The following EIF2B3 variants were observed in gnomAD, a reference collection of about 807,000 sequenced individuals.
EIF2B3 encodes the protein translation initiation factor eIF2B subunit gamma.
In EIF2B3, 20 loss-of-function variants were observed where a neutral mutation model predicts 54.1. The ratio of observed to expected loss-of-function variants is 0.37; its 90% CI spans 0.26 to 0.54. The LOEUF (loss-of-function observed/expected upper bound fraction) is 0.54. EIF2B3 is among the 20% of genes least tolerant of loss of function. EIF2B3 has a pLI of 0.86. For missense variants in EIF2B3, 448 were observed against 547.8 expected, an observed-to-expected ratio of 0.82 and a Z score of 1.82; for synonymous variants, 153 against 188.1, an observed-to-expected ratio of 0.81 and a Z score of 1.52.
At chr1:44,866,834 C>T (rs1052385186) in intron 10 of EIF2B3, among the ~76,000 whole-genome samples, 2 of 152,184 alleles carry the variant, frequency 1.3e-5, no homozygotes, top group African/African-American at 2.4e-5. Flanking sequence ...GGATTACAGG[C>T]GTAAGCCACC....
At chr1:44,909,327 T>C (rs550830203) in intron 5 of EIF2B3, among the ~76,000 whole-genome samples, 3 of 152,236 alleles carry the variant, frequency 2.0e-5, no homozygotes, top group South Asian at 4.2e-4. Context: ...AGATTTTTTT[T>C]TTTTTTAAAG....
chr1:44,892,904 C>T (rs1052870806), intron 6 of EIF2B3, among the ~76,000 whole-genome samples: 1 of 152,178 alleles, frequency 6.6e-6, no homozygotes, highest in Non-Finnish European at 1.5e-5. Context: ...CAAGTACAGC[C>T]AAATCAATGG....
At chr1:44,961,414 A>G (rs1644283927) in intron 3 of EIF2B3, among the ~76,000 whole-genome samples, 1 of 151,590 alleles carries the variant, frequency 6.6e-6, no homozygotes, top group Non-Finnish European at 1.5e-5. Flanking sequence ...TTGGCTCATC[A>G]CACCTGTAAT....
At chr1:44,876,846 T>C (rs1302753216) in intron 8 of EIF2B3, among the ~76,000 whole-genome samples, 4 of 143,138 alleles carry the variant, frequency 2.8e-5, no homozygotes, top group Admixed American at 7.0e-5. Context: ...TTTTGTTCTG[T>C]ACTAAGAAAA....
At chr1:44,870,609 G>A (rs1654934850) in intron 10 of EIF2B3, among the ~76,000 whole-genome samples, 1 of 150,782 alleles carries the variant, frequency 6.6e-6, no homozygotes, top group Non-Finnish European at 1.5e-5. Flanking sequence ...CTCTCCTTGG[G>A]TGATTTCATC....
intron 5 of EIF2B3, among the ~76,000 whole-genome samples, chr1:44,920,097 C>T (rs1160704004): frequency 1.3e-5 from 2 of 150,284 alleles, no homozygotes; most frequent in Non-Finnish European, 3.0e-5. Context: ...TGCAATGATG[C>T]GATCTAGGCT....
chr1:44,899,831 G>A (rs1199199941), intron 5 of EIF2B3, among the ~76,000 whole-genome samples: 1 of 152,142 alleles, frequency 6.6e-6, no homozygotes, highest in Non-Finnish European at 1.5e-5. Context: ...CCATTACTGG[G>A]TATATATCCA....
intron 2 of EIF2B3, 59 bp downstream of exon 2, chr1:44,980,962 A>G (rs1040061921): frequency 3.9e-5 from 62 of 1,604,024 alleles, no homozygotes; most frequent in Non-Finnish European, 4.8e-5. Flanking sequence ...CTGACAAATC[A>G]TGGGGATCAA....
intron 3 of EIF2B3, among the ~76,000 whole-genome samples, chr1:44,970,311 A>G (rs1228201471): frequency 1.3e-5 from 2 of 152,242 alleles, no homozygotes; most frequent in South Asian, 2.1e-4. Context: ...GTTTTAACAA[A>G]AAAAAGCCAA....
At chr1:44,977,075 C>A (rs555859881) in intron 3 of EIF2B3, among the ~76,000 whole-genome samples, 2 of 152,116 alleles carry the variant, frequency 1.3e-5, no homozygotes, top group Non-Finnish European at 2.9e-5. Context: ...GTACAAAAGT[C>A]GGTTGAAAAT....
At chr1:44,864,259 G>A (rs1654700513) in intron 10 of EIF2B3, among the ~76,000 whole-genome samples, 1 of 152,126 alleles carries the variant, frequency 6.6e-6, no homozygotes. Flanking sequence ...TCATAATTTG[G>A]TGTTTTTAAG....
intron 5 of EIF2B3, among the ~76,000 whole-genome samples, chr1:44,914,371 G>A (rs994629746): frequency 6.6e-6 from 1 of 152,098 alleles, no homozygotes; most frequent in East Asian, 1.9e-4. Flanking sequence ...GTGTTAGCCA[G>A]GCTGGTCTCA....
At chr1:44,889,075 A>G (rs1655703447) in intron 6 of EIF2B3, among the ~76,000 whole-genome samples, 2 of 152,136 alleles carry the variant, frequency 1.3e-5, no homozygotes, top group African/African-American at 4.8e-5. Flanking sequence ...TTCTGGTTTG[A>G]TATCTGTGTG....
intron 3 of EIF2B3, among the ~76,000 whole-genome samples, chr1:44,945,040 A>G (rs957851006): frequency 4.6e-5 from 7 of 152,166 alleles, no homozygotes; most frequent in Admixed American, 4.6e-4. Flanking sequence ...AGTGAGACTC[A>G]ACCATCAGAA....
rs917729994 is a variant in EIF2B3 at position 44,874,946 on chromosome 1, A to G, written c.1054-120T>C. 7.1e-6 allele frequency: 9 copies of G among 1,266,690 alleles called. No homozygotes were observed. In the African/African-American group the frequency reaches 1.3e-4, roughly 19 times the overall value. The allele number at this position is 1,266,690 out of a possible 1,614,324, so 78.5% of individuals were successfully genotyped here. The stretch of plus-strand genomic sequence containing the variant: ...CCATAGAGACACTTCAGCAAGAGGG[A>G]CCATGATCAGTATTTCTCAGGGCCA... On this transcript the variant is annotated intron_variant, in intron 9 of 11. Transcript: ENST00000360403.
At chr1:44,917,704 G>T (rs67058449) in intron 5 of EIF2B3, among the ~76,000 whole-genome samples, 36,630 of 124,918 alleles carry the variant, frequency 0.29, 5,534 homozygotes, top group African/African-American at 0.48. Context: ...ATGCCCATTT[G>T]TAACTCTTTT....
rs1453633512 is a variant in EIF2B3, at chr1:44,952,254, C to T, written c.295-10589G>A. ...CTGGGATTACAGGCGTGAGCCACCG[C>T]GCCCGGCCCTAATTTTTGCATTTTT... On this transcript the variant is annotated intron_variant, in intron 3 of 11. Coordinates refer to ENST00000360403, the MANE Select transcript of EIF2B3 (RefSeq NM_020365.5). Among the ~76,000 whole-genome samples, 3 of 145,530 alleles carry T rather than the reference C, an allele frequency of 2.1e-5. 1 individual carries two copies. The highest frequency in any genetic ancestry group is 4.5e-5 in the Non-Finnish European group (3 of 66,040).
chr1:44,954,768 G>A (rs1644204402), intron 3 of EIF2B3, among the ~76,000 whole-genome samples: 1 of 152,132 alleles, frequency 6.6e-6, no homozygotes, highest in African/African-American at 2.4e-5. Context: ...ATGTTGAATA[G>A]GAGTGGTGAG....
At chr1:44,971,178 C>T (rs1032060730) in intron 3 of EIF2B3, among the ~76,000 whole-genome samples, 5 of 151,946 alleles carry the variant, frequency 3.3e-5, no homozygotes, top group East Asian at 3.9e-4. Flanking sequence ...AGTAGGAGAT[C>T]GAGACCATCC....
Sources: allele counts gnomAD v4.1 joint callset (sites outside exome capture counted in the v4.1 genomes callset), GRCh38; gene constraint gnomAD v4.1.1; transcripts MANE v1.5; gene names NCBI Gene and HGNC (gene_info 2026-07-23, HGNC 2026-07-21).